The following FRMD3 variants were observed in gnomAD, a reference collection of about 807,000 sequenced individuals.
FRMD3 encodes FERM domain containing 3.
A neutral mutation model predicts 70.2 loss-of-function variants in FRMD3; 33 were observed. The observed-to-expected ratio is 0.47, with a 90% CI of 0.36 to 0.63. FRMD3 has a LOEUF of 0.63. Ranked by LOEUF, FRMD3 falls within the 20% of genes least tolerant of loss-of-function variation. FRMD3 has a pLI of 0.00. For missense variants in FRMD3, 632 were observed against 711.4 expected (o/e 0.89, Z 1.27); for synonymous variants, 279 against 255.9 (o/e 1.09, Z -0.86).
At chr9:83,524,605 A>C (rs1028350729) in intron 1 of FRMD3, among the ~76,000 whole-genome samples, 2 of 152,198 alleles carry the variant, frequency 1.3e-5, no homozygotes, top group Non-Finnish European at 2.9e-5. Context: ...AACATTCAAA[A>C]ACAAAATAAT....
At chr9:83,425,984 A>G (rs1826798581) in intron 1 of FRMD3, among the ~76,000 whole-genome samples, 1 of 151,718 alleles carries the variant, frequency 6.6e-6, no homozygotes, top group East Asian at 1.9e-4. Flanking sequence ...AGATTATTAA[A>G]CCTCACAGGC....
At chr9:83,473,113 C>A (rs1828310376) in intron 1 of FRMD3, among the ~76,000 whole-genome samples, 1 of 152,122 alleles carries the variant, frequency 6.6e-6, no homozygotes, top group Non-Finnish European at 1.5e-5. Flanking sequence ...TTAGATGTTC[C>A]CCCTTTGTAT....
At chr9:83,265,420 G>C (rs867222824) in intron 13 of FRMD3, among the ~76,000 whole-genome samples, 170 of 107,130 alleles carry the variant, frequency 1.6e-3, no homozygotes, top group African/African-American at 5.2e-3. Context: ...AAAAAAAAAA[G>C]TGCCTGTGTC....
At position 83,537,961 on chromosome 9, in the gene FRMD3, T is replaced by C; in HGVS notation, c.147+124A>G. ...CTCAGAGGCCTGAGGAATCGAAATC[T>C]GGCTTTCTAGCAGTCCCCCAATCCC... On this transcript the variant is annotated intron_variant, in intron 1 of 13. Coordinates refer to ENST00000304195, the MANE Select transcript of FRMD3 (RefSeq NM_174938.6). This position sits in a 1 kb window ranked among gnomAD's most constrained non-coding sequence, Gnocchi z 4.1. 1.8e-6 allele frequency: 2 copies of C among 1,112,540 alleles called. No individual in the cohort carries two copies. The highest frequency in any genetic ancestry group is 2.5e-6 in the Non-Finnish European group (2 of 786,620). The allele number at this position is 1,112,540 out of a possible 1,614,324, so 68.9% of individuals were successfully genotyped here.
At chr9:83,429,450 C>A (rs978557432) in intron 1 of FRMD3, among the ~76,000 whole-genome samples, 1 of 152,150 alleles carries the variant, frequency 6.6e-6, no homozygotes, top group African/African-American at 2.4e-5. Context: ...CAAACATTCT[C>A]CCCAGGACAT....
At chr9:83,504,193 C>T (rs558396181) in intron 1 of FRMD3, among the ~76,000 whole-genome samples, 1 of 152,284 alleles carries the variant, frequency 6.6e-6, no homozygotes, top group East Asian at 1.9e-4. Context: ...CTGAGCTTGA[C>T]TTTCACACAA....
chr9:83,545,695 A>G, the FRMD3 span, among the ~76,000 whole-genome samples: 1 of 152,194 alleles, frequency 6.6e-6, no homozygotes, highest in African/African-American at 2.4e-5. Flanking sequence ...CCTTTGAGAA[A>G]TATGGTATTA....
At chr9:83,243,606 T>C (rs80138577), downstream of FRMD3, among the ~76,000 whole-genome samples, 3,675 of 152,272 alleles carry the variant, frequency 0.024, 52 homozygotes, top group Middle Eastern at 0.041. Context: ...TGGCTTGAGA[T>C]GCTGGAGTCA....
chr9:83,390,499 A>T (rs142961220), intron 1 of FRMD3, among the ~76,000 whole-genome samples: 2 of 152,324 alleles, frequency 1.3e-5, no homozygotes, highest in African/African-American at 2.4e-5. Context: ...CAGGACTAAG[A>T]TCCAAAGACA....
chr9:83,434,685 T>C (rs1415670489), intron 1 of FRMD3, among the ~76,000 whole-genome samples: 2 of 152,196 alleles, frequency 1.3e-5, no homozygotes, highest in Non-Finnish European at 2.9e-5. Flanking sequence ...GGGATTCTCA[T>C]GGTTTCCAGT....
intron 1 of FRMD3, among the ~76,000 whole-genome samples, chr9:83,404,091 CAA>C (rs1491464147): frequency 1.4e-5 from 2 of 145,274 alleles, no homozygotes; most frequent in African/African-American, 5.2e-5. Context: ...CACACACACA[CAA>C]GCAGGCACGC....
At chr9:83,317,782 G>A (rs1469829598) in intron 6 of FRMD3, among the ~76,000 whole-genome samples, 1 of 152,088 alleles carries the variant, frequency 6.6e-6, no homozygotes. Context: ...GTGCTACACA[G>A]CCCCTGAGGA....
the FRMD3 span, among the ~76,000 whole-genome samples, chr9:83,581,188 C>A: frequency 1.1e-4 from 16 of 151,934 alleles, no homozygotes; most frequent in African/African-American, 2.4e-4. Context: ...GTGAAAAAAA[C>A]CCACAGAATG....
At chr9:83,279,782 A>G (rs1422380073) in intron 13 of FRMD3, among the ~76,000 whole-genome samples, 2 of 137,074 alleles carry the variant, frequency 1.5e-5, no homozygotes, top group East Asian at 5.1e-4. Context: ...GGAACAACAC[A>G]CACTGGGGCC....
intron 1 of FRMD3, among the ~76,000 whole-genome samples, chr9:83,433,654 C>T (rs1193329968): frequency 2.6e-5 from 4 of 152,072 alleles, no homozygotes; most frequent in Admixed American, 2.0e-4. Flanking sequence ...GCTTGTTTTC[C>T]TGCAACTAGA....
At chr9:83,451,389 T>TCACACACACACACACA (rs10611241) in intron 1 of FRMD3, among the ~76,000 whole-genome samples, 5 of 147,588 alleles carry the variant, frequency 3.4e-5, no homozygotes, top group Admixed American at 6.8e-5. Flanking sequence ...AATACATACA[T>TCACACACACACACACA]CACACACACA....
chr9:83,291,161 AGAT>A (rs1245514579), intron 12 of FRMD3, among the ~76,000 whole-genome samples: 8 of 152,234 alleles, frequency 5.3e-5, no homozygotes, highest in Admixed American at 3.3e-4. Flanking sequence ...TAGATGATGC[AGAT>A]GTTCTACAGC....
At chr9:83,283,321 G>A (rs1185206049) in intron 13 of FRMD3, among the ~76,000 whole-genome samples, 2 of 151,966 alleles carry the variant, frequency 1.3e-5, no homozygotes, top group African/African-American at 4.8e-5. Context: ...ATGAGGTCAG[G>A]AGATCGAGAC....
intron 1 of FRMD3, among the ~76,000 whole-genome samples, chr9:83,463,448 G>GA (rs1052906184): frequency 8.5e-5 from 13 of 152,096 alleles, no homozygotes; most frequent in African/African-American, 3.1e-4. Flanking sequence ...CATAGTGGCA[G>GA]AAAAAAGAAT....
Sources: gnomAD v4.1 joint callset for allele counts (sites outside exome capture counted in the v4.1 genomes callset) on GRCh38, gnomAD v4.1.1 for gene constraint, Gnocchi (gnomAD v3.1) non-coding constraint, MANE v1.5 for transcripts, NCBI Gene and HGNC (gene_info 2026-07-23, HGNC 2026-07-21) for gene names.